The following CELF2 variants were observed in gnomAD, a reference collection of about 807,000 sequenced individuals.
CELF2 encodes CUGBP Elav-like family member 2, also known as CUG triplet repeat RNA-binding protein 2.
In CELF2, 8 loss-of-function variants were observed where a neutral mutation model predicts 62.6. The ratio of observed to expected loss-of-function variants is 0.13; its 90% confidence interval spans 0.07 to 0.23. CELF2 has a LOEUF of 0.23. Among genes scored for constraint, CELF2 ranks in the 10% least tolerant of loss-of-function variants. The pLI, the probability that CELF2 is intolerant of heterozygous loss-of-function variation, is 1.00. For synonymous variants in CELF2, 258 were observed against 250.0 expected (o/e 1.03, Z -0.30); for missense variants, 333 against 671.0 (o/e 0.50, Z 5.56).
chr10:10,753,383 ACT>A, the CELF2 span, among the ~76,000 whole-genome samples: 1 of 150,450 alleles, frequency 6.6e-6, no homozygotes, highest in South Asian at 2.1e-4. Context: ...CGTGTGTGTA[ACT>A]CTGCAACAGA....
chr10:10,889,457 A>G (rs1466910354), intron 1 of CELF2, among the ~76,000 whole-genome samples: 1 of 152,186 alleles, frequency 6.6e-6, no homozygotes, highest in Non-Finnish European at 1.5e-5. Context: ...TCCCTGAGCA[A>G]GTATATATTA....
At chr10:11,069,951 C>G (rs189088243) in intron 1 of CELF2, among the ~76,000 whole-genome samples, 3 of 152,266 alleles carry the variant, frequency 2.0e-5, no homozygotes, top group East Asian at 1.9e-4. Flanking sequence ...TCAGGACAGT[C>G]GAAGAGCAGT....
At chr10:11,281,955 C>T (rs973816179) in intron 8 of CELF2, among the ~76,000 whole-genome samples, 2 of 152,108 alleles carry the variant, frequency 1.3e-5, no homozygotes, top group Non-Finnish European at 2.9e-5. Flanking sequence ...GGGAGCGGCA[C>T]TTCATGGTGA....
At chr10:10,595,606 T>C in the CELF2 span, among the ~76,000 whole-genome samples, 1 of 152,164 alleles carries the variant, frequency 6.6e-6, no homozygotes. Flanking sequence ...GGGGTTACTG[T>C]TCCTTTCCAT....
At chr10:10,984,450 A>G (rs2052508870) in intron 2 of CELF2, among the ~76,000 whole-genome samples, 1 of 152,208 alleles carries the variant, frequency 6.6e-6, no homozygotes. Flanking sequence ...CAATTACTTT[A>G]GGTTATGTGG....
At chr10:10,980,457 G>A (rs917775777) in intron 2 of CELF2, among the ~76,000 whole-genome samples, 3 of 152,142 alleles carry the variant, frequency 2.0e-5, no homozygotes, top group Admixed American at 6.5e-5. Context: ...CCACGTTCTC[G>A]TGGCCTCCTT....
At chr10:11,116,201 T>C (rs1463250621) in intron 1 of CELF2, among the ~76,000 whole-genome samples, 1 of 152,168 alleles carries the variant, frequency 6.6e-6, no homozygotes, top group Non-Finnish European at 1.5e-5. Context: ...TTCAGAAGAG[T>C]AAAAGACTAA....
chr10:10,686,758 C>A, the CELF2 span, among the ~76,000 whole-genome samples: 2 of 152,132 alleles, frequency 1.3e-5, no homozygotes, highest in Non-Finnish European at 2.9e-5. Context: ...TCAATTAAAC[C>A]TCTTTTCTTT....
At chr10:10,992,395 C>G (rs2136720560) in intron 2 of CELF2, among the ~76,000 whole-genome samples, 1 of 152,268 alleles carries the variant, frequency 6.6e-6, no homozygotes, top group South Asian at 2.1e-4. Flanking sequence ...GCACATTTAA[C>G]CTAATGTTGG....
chr10:10,538,810 G>A, the CELF2 span, among the ~76,000 whole-genome samples: 15,271 of 152,252 alleles, frequency 0.1, 1,874 homozygotes, highest in East Asian at 0.53. Flanking sequence ...CACCCACATG[G>A]TCTTATGAGC....
chr10:11,240,946 G>A (rs1359141502), intron 3 of CELF2, among the ~76,000 whole-genome samples: 2 of 152,102 alleles, frequency 1.3e-5, no homozygotes, highest in African/African-American at 2.4e-5. Context: ...ACCTGGATTC[G>A]AATCCCTGCT....
At position 11,302,308 on chromosome 10, in the gene CELF2, A is replaced by C. The variant is rs1162723220; in HGVS notation, c.977-11831A>C. On this transcript the variant is annotated intron_variant, in intron 9 of 12. Coordinates refer to ENST00000633077, the MANE Select transcript of CELF2 (RefSeq NM_001326342.2). The surrounding 1 kb of genome is among the most constrained non-coding windows in gnomAD (Gnocchi z 5.0). ...GCACCGCATCGGATAGTCCTGACAC[A>C]CGTGGTTCTCTAATGTTTGCATGCA... Among the ~76,000 whole-genome samples, 2 of 152,136 alleles carry C rather than the reference A, an allele frequency of 1.3e-5. No homozygotes were observed. Among genetic ancestry groups the C allele is most frequent in the Non-Finnish European group, 2.9e-5 (2 of 68,016 alleles).
At chr10:10,504,077 T>TTA in the CELF2 span, among the ~76,000 whole-genome samples, 7 of 152,184 alleles carry the variant, frequency 4.6e-5, no homozygotes, top group East Asian at 9.6e-4. Flanking sequence ...CTATATACAT[T>TTA]TAGATACACA....
chr10:10,860,688 G>T (rs912091899), intron 1 of CELF2, among the ~76,000 whole-genome samples: 2 of 152,168 alleles, frequency 1.3e-5, no homozygotes, highest in African/African-American at 4.8e-5. Context: ...ACCAGGAGAG[G>T]TTCACAGGGC....
intron 9 of CELF2, among the ~76,000 whole-genome samples, chr10:11,304,650 G>A (rs1377902177): frequency 6.6e-6 from 1 of 152,182 alleles, no homozygotes; most frequent in Non-Finnish European, 1.5e-5. Context: ...CATAACCCAT[G>A]AATTCCTTAA....
chr10:10,689,931 G>A, the CELF2 span, among the ~76,000 whole-genome samples: 1 of 152,114 alleles, frequency 6.6e-6, no homozygotes. Context: ...ATATGTGGAG[G>A]ACATTCCAAG....
the CELF2 span, among the ~76,000 whole-genome samples, chr10:10,597,753 C>A: frequency 6.6e-6 from 1 of 152,206 alleles, no homozygotes; most frequent in African/African-American, 2.4e-5. Flanking sequence ...GCCTCTCCTG[C>A]CACTGCTCAA....
At chr10:10,606,766 T>A in the CELF2 span, among the ~76,000 whole-genome samples, 2 of 152,128 alleles carry the variant, frequency 1.3e-5, no homozygotes, top group Non-Finnish European at 2.9e-5. Flanking sequence ...TAAAATTGGA[T>A]GGGCCAACTA....
At chr10:11,322,950 T>C (rs1440799537) in intron 11 of CELF2, among the ~76,000 whole-genome samples, 1 of 151,990 alleles carries the variant, frequency 6.6e-6, no homozygotes, top group African/African-American at 2.4e-5. Flanking sequence ...TGTAGGACAA[T>C]GATATCATCA....
Sources: allele counts gnomAD v4.1 joint callset (sites outside exome capture counted in the v4.1 genomes callset), GRCh38; gene constraint gnomAD v4.1.1; non-coding constraint Gnocchi (gnomAD v3.1); transcripts MANE v1.5; gene names NCBI Gene and HGNC (gene_info 2026-07-23, HGNC 2026-07-21).